NALCN: variants seen among roughly 807,000 people sequenced by gnomAD.
NALCN encodes the protein sodium leak channel NALCN.
A neutral mutation model predicts 225.3 loss-of-function variants in NALCN; 111 were observed. The ratio of observed to expected loss-of-function variants is 0.49; its 90% CI spans 0.42 to 0.58. The LOEUF is 0.58. Among genes scored for constraint, NALCN ranks in the 20% least tolerant of loss-of-function variants. The pLI is 0.00. For synonymous variants in NALCN, 764 were observed against 769.0 expected (o/e 0.99, Z 0.11); for missense variants, 1,378 against 2,202.4 (o/e 0.63, Z 7.49).
At position 101,181,578 on chromosome 13, in the gene NALCN, A is replaced by C. The variant is rs201900921; in HGVS notation, c.1765-5204T>G. Among the ~76,000 whole-genome samples the C allele has an allele frequency of 4.1e-4, 58 of 141,626 alleles. No individual in the cohort carries two copies. The East Asian group carries it at 9.4e-3, about 23-fold the overall frequency. The allele number at this position is 141,626 out of a possible 152,430, so 92.9% of individuals were successfully genotyped here. ...GGGCAACCCTGTCTCTCAAAAAAAAAAAAAACAAAAATTAGTCAGGCATGG... is the reference window on the plus strand; with the variant it reads ...GGGCAACCCTGTCTCTCAAAAAAAACAAAAACAAAAATTAGTCAGGCATGG... On this transcript the variant is annotated intron_variant, in intron 14 of 43. Transcript: ENST00000251127.
In NALCN at chr13:101,242,667, CTCT is replaced by C. The variant is rs1310785902; in HGVS notation, c.1267-4748_1267-4746del. ...TTGAGATCCAATGCCCATCAATTCTCTCTTCTTTTGTCTAGTCATTGAGATTGC... is the reference window on the plus strand; with the variant it reads ...TTGAGATCCAATGCCCATCAATTCTCTCTTTTGTCTAGTCATTGAGATTGC... On this transcript the variant is annotated intron_variant, in intron 11 of 43. Coordinates refer to ENST00000251127, the MANE Select transcript of NALCN (RefSeq NM_052867.4). Among the ~76,000 whole-genome samples, 9 of 106,976 alleles carry C rather than the reference CTCT, an allele frequency of 8.4e-5. 1 individual carries two copies. Among genetic ancestry groups the C allele is most frequent in the African/African-American group, 2.7e-4 (8 of 29,876 alleles). 70.2% of individuals were successfully genotyped at this position (106,976 alleles called of 152,430 possible). A position where few individuals can be genotyped will look rare whatever the true frequency, so the allele number is the denominator to read the frequency against.
chr13:101,081,970 C>T (rs1021812205), intron 33 of NALCN, among the ~76,000 whole-genome samples: 9 of 151,990 alleles, frequency 5.9e-5, no homozygotes, highest in African/African-American at 1.2e-4. Context: ...CTCTGCCTCC[C>T]GGGTTCAAGC....
intron 15 of NALCN, among the ~76,000 whole-genome samples, chr13:101,164,864 T>C (rs1205079376): frequency 2.0e-5 from 3 of 152,120 alleles, no homozygotes; most frequent in Non-Finnish European, 1.5e-5. Context: ...TCATGGAAAG[T>C]TATGGGCAAT....
At chr13:101,066,083 T>G (rs987466756) in intron 39 of NALCN, among the ~76,000 whole-genome samples, 1 of 152,138 alleles carries the variant, frequency 6.6e-6, no homozygotes, top group Admixed American at 6.5e-5. Context: ...CTCAGCACTT[T>G]GGGAGGCCGA....
intron 15 of NALCN, among the ~76,000 whole-genome samples, chr13:101,170,323 C>T (rs911521115): frequency 3.3e-5 from 5 of 152,170 alleles, no homozygotes; most frequent in African/African-American, 1.2e-4. Flanking sequence ...ATGAGACAGA[C>T]AGCAAATTCA....
rs1256062100 is a variant in NALCN at position 101,283,903 on chromosome 13, G to A, written c.1134+30C>T. The A allele has an allele frequency of 1.9e-6, 3 of 1,562,820 alleles. No homozygotes were observed. The African/African-American group carries it at 4.1e-5, about 22-fold the overall frequency. On this transcript the variant is annotated intron_variant, in intron 10 of 43. Coordinates refer to ENST00000251127, the MANE Select transcript of NALCN (RefSeq NM_052867.4). ...AATAAAATTCAAAGACCTTTGCTGG[G>A]CGATTTTTAAAAATGTCATTGTACT...
intron 14 of NALCN, among the ~76,000 whole-genome samples, chr13:101,179,436 A>G (rs967628153): frequency 6.6e-6 from 1 of 152,232 alleles, no homozygotes; most frequent in Non-Finnish European, 1.5e-5. Flanking sequence ...TTTTTCTACA[A>G]ATGAATTGAA....
At chr13:101,198,098 AG>A (rs1434372039) in intron 13 of NALCN, among the ~76,000 whole-genome samples, 2 of 152,136 alleles carry the variant, frequency 1.3e-5, no homozygotes, top group African/African-American at 4.8e-5. Context: ...AGAGGGTGAA[AG>A]CACAACAGGA....
At chr13:101,117,025 T>C (rs1369991661) in intron 18 of NALCN, 3 of 497,562 alleles carry the variant, frequency 6.0e-6, no homozygotes, top group Admixed American at 4.1e-5. Flanking sequence ...AGGAAAAAGC[T>C]GCATTTTTAT....
Position 101,191,598 on chromosome 13 carries a change from G to A in NALCN, c.1764+319C>T, listed in dbSNP as rs2218298. ...AGAAAAAAAATAATAATGGAGTTCC[G>A]GTTTGATCCTGAGATCATCTAGGTG... On this transcript the variant is annotated intron_variant, in intron 14 of 43. Coordinates refer to ENST00000251127, the MANE Select transcript of NALCN (RefSeq NM_052867.4). Among the ~76,000 whole-genome samples the A allele has an allele frequency of 0.22, 33,860 of 151,958 alleles. 3,894 individuals carry two copies. The highest frequency in any genetic ancestry group is 0.37 in the East Asian group (1,919 of 5,152).
At chr13:101,372,554 T>C (rs1009462660) in intron 6 of NALCN, among the ~76,000 whole-genome samples, 6 of 151,978 alleles carry the variant, frequency 3.9e-5, no homozygotes, top group East Asian at 3.9e-4. Context: ...TTTTAGAAAA[T>C]CTCATCCTTC....
At chr13:101,206,068 T>C (rs1057466321) in intron 13 of NALCN, among the ~76,000 whole-genome samples, 4 of 151,996 alleles carry the variant, frequency 2.6e-5, no homozygotes, top group African/African-American at 9.6e-5. Flanking sequence ...GACATGGAGT[T>C]TGCCTGGCTA....
chr13:101,093,107 T>C (rs1157940413), intron 28 of NALCN, among the ~76,000 whole-genome samples: 1 of 152,176 alleles, frequency 6.6e-6, no homozygotes, highest in Admixed American at 6.5e-5. Context: ...CATTTTCCTA[T>C]ATTCCAGACC....
At chr13:101,219,495 C>G (rs953729689) in intron 13 of NALCN, among the ~76,000 whole-genome samples, 7 of 152,184 alleles carry the variant, frequency 4.6e-5, no homozygotes, top group Non-Finnish European at 5.9e-5. Context: ...ATCCTTTCAC[C>G]TGTCTCATGT....
intron 15 of NALCN, among the ~76,000 whole-genome samples, chr13:101,161,801 G>T (rs1399682814): frequency 6.6e-6 from 1 of 152,214 alleles, no homozygotes; most frequent in African/African-American, 2.4e-5. Context: ...GAACCTTGGA[G>T]GTAGAGGTTG....
intron 36 of NALCN, among the ~76,000 whole-genome samples, chr13:101,074,144 G>C (rs1169509449): frequency 6.6e-6 from 1 of 152,028 alleles, no homozygotes; most frequent in Admixed American, 6.6e-5. Flanking sequence ...ATTTTGCTGA[G>C]AAAGAAACCC....
chr13:101,160,340 T>C (rs1322502938), intron 15 of NALCN, among the ~76,000 whole-genome samples: 3 of 152,182 alleles, frequency 2.0e-5, no homozygotes, highest in Non-Finnish European at 4.4e-5. Context: ...CTCTTGCCTT[T>C]TATCTGCGCT....
chr13:101,067,291 AGGGGGAAGAGGAG>A (rs1385869532), intron 39 of NALCN, among the ~76,000 whole-genome samples: 8 of 47,196 alleles, frequency 1.7e-4, no homozygotes, highest in African/African-American at 6.4e-4. Flanking sequence ...GGGGAAGAGG[AGGGGGAAGAGGAG>A]GGGGAAGAGG....
At chr13:101,370,977 T>TGTA (rs1380345798) in intron 6 of NALCN, among the ~76,000 whole-genome samples, 4 of 152,230 alleles carry the variant, frequency 2.6e-5, no homozygotes, top group Non-Finnish European at 5.9e-5. Context: ...TTGCATTTTC[T>TGTA]AGAATTTTAT....
Sources: gnomAD v4.1 joint callset for allele counts (sites outside exome capture counted in the v4.1 genomes callset) on GRCh38, gnomAD v4.1.1 for gene constraint, MANE v1.5 for transcripts, NCBI Gene and HGNC (gene_info 2026-07-23, HGNC 2026-07-21) for gene names.